The following TUSC3 variants were observed in gnomAD, a reference collection of about 807,000 sequenced individuals.
TUSC3 encodes the protein dolichyl-diphosphooligosaccharide--protein glycosyltransferase subunit TUSC3.
Under a neutral mutation model 44.8 loss-of-function variants are expected in TUSC3, and 45 were observed. That is an observed-to-expected ratio of 1.00 (90% confidence interval 0.79 to 1.29). The LOEUF (loss-of-function observed/expected upper bound fraction) is 1.29. Ranked by LOEUF, TUSC3 falls within the 50% of genes most tolerant of loss-of-function variation. The pLI is 0.00. For synonymous variants in TUSC3, 212 were observed against 152.9 expected, an observed-to-expected ratio of 1.39 and a Z score of -2.85; for missense variants, 519 against 437.9, an observed-to-expected ratio of 1.19 and a Z score of -1.65.
chr8:15,421,258 A>G (rs1799734449), intron 1 of TUSC3, among the ~76,000 whole-genome samples: 1 of 152,106 alleles, frequency 6.6e-6, no homozygotes, highest in Admixed American at 6.5e-5. Context: ...GTAAAAGCCA[A>G]ACTCCTCACC....
intron 1 of TUSC3, among the ~76,000 whole-genome samples, chr8:15,543,491 T>G (rs1385659301): frequency 6.6e-6 from 1 of 152,132 alleles, no homozygotes; most frequent in Non-Finnish European, 1.5e-5. Flanking sequence ...AACGACAAAC[T>G]CTCTGCATTT....
At chr8:15,586,344 A>C (rs959559147) in intron 1 of TUSC3, among the ~76,000 whole-genome samples, 1 of 152,158 alleles carries the variant, frequency 6.6e-6, no homozygotes, top group Non-Finnish European at 1.5e-5. Flanking sequence ...CAACACCGTT[A>C]ACTTGAAGTA....
At chr8:15,849,060 T>C in the TUSC3 span, among the ~76,000 whole-genome samples, 2 of 152,182 alleles carry the variant, frequency 1.3e-5, no homozygotes, top group Non-Finnish European at 2.9e-5. Flanking sequence ...TTTTCATTCA[T>C]TAGCAAAATG....
chr8:15,743,477 C>T, intron 7 of TUSC3, 61 bp from the exon 8 acceptor site: 2 of 1,561,016 alleles, frequency 1.3e-6, no homozygotes, highest in South Asian at 1.1e-5. Context: ...TGTTCAGAGC[C>T]AGAAAAATTA....
At chr8:15,525,697 A>G (rs1190844630) in intron 2 of TUSC3, among the ~76,000 whole-genome samples, 2 of 152,152 alleles carry the variant, frequency 1.3e-5, no homozygotes, top group African/African-American at 4.8e-5. Flanking sequence ...GATTCTTTGA[A>G]GACTTTTGGA....
chr8:15,767,342 A>G (rs1195760971), downstream of TUSC3, among the ~76,000 whole-genome samples: 1 of 152,058 alleles, frequency 6.6e-6, no homozygotes, highest in Non-Finnish European at 1.5e-5. Context: ...AAATGTGGAT[A>G]CATCTATCTA....
chr8:15,451,032 A>G (rs952328884), intron 1 of TUSC3, among the ~76,000 whole-genome samples: 6 of 152,132 alleles, frequency 3.9e-5, no homozygotes, highest in African/African-American at 1.4e-4. Flanking sequence ...AAACTTCACA[A>G]ACCTTTTTCC....
intron 1 of TUSC3, among the ~76,000 whole-genome samples, chr8:15,622,607 T>C (rs1412564556): frequency 6.6e-6 from 1 of 152,224 alleles, no homozygotes; most frequent in Non-Finnish European, 1.5e-5. Flanking sequence ...TTTTTGACTT[T>C]AAGTAGAATC....
intron 1 of TUSC3, among the ~76,000 whole-genome samples, chr8:15,603,243 TTG>T (rs1353132314): frequency 2.6e-5 from 4 of 151,616 alleles, no homozygotes; most frequent in African/African-American, 9.7e-5. Context: ...GGAACCTGAG[TTG>T]TTAATAAACA....
chr8:15,775,206 G>A, the TUSC3 span, among the ~76,000 whole-genome samples: 2 of 152,048 alleles, frequency 1.3e-5, no homozygotes, highest in Admixed American at 6.6e-5. Context: ...TGCCAGATAC[G>A]AAAAGCCACA....
At chr8:15,594,968 G>A (rs1804002347) in intron 1 of TUSC3, among the ~76,000 whole-genome samples, 2 of 152,074 alleles carry the variant, frequency 1.3e-5, no homozygotes, top group African/African-American at 4.8e-5. Context: ...CTGGAAAGTT[G>A]TCTACCCTAG....
the TUSC3 span, among the ~76,000 whole-genome samples, chr8:15,777,480 CAT>C: frequency 2.0e-5 from 3 of 152,164 alleles, no homozygotes; most frequent in Admixed American, 6.5e-5. Flanking sequence ...TAAATACACA[CAT>C]GAACATATAA....
intron 1 of TUSC3, among the ~76,000 whole-genome samples, chr8:15,596,342 A>G (rs1401037445): frequency 2.0e-5 from 3 of 152,206 alleles, no homozygotes; most frequent in African/African-American, 7.2e-5. Flanking sequence ...AGAGTAGTAC[A>G]GTACATGGGT....
chr8:15,806,907 G>A, the TUSC3 span: 16 of 1,370,180 alleles, frequency 1.2e-5, no homozygotes, highest in Non-Finnish European at 1.5e-5. Context: ...TACATCTGTT[G>A]ACCCACTTCT....
the TUSC3 span, among the ~76,000 whole-genome samples, chr8:15,802,427 T>G: frequency 6.6e-6 from 1 of 152,140 alleles, no homozygotes; most frequent in African/African-American, 2.4e-5. Flanking sequence ...TTGCAAAATT[T>G]CTTTTCTTTT....
intron 6 of TUSC3, among the ~76,000 whole-genome samples, chr8:15,696,199 C>T (rs944771864): frequency 1.3e-5 from 2 of 152,154 alleles, no homozygotes; most frequent in African/African-American, 4.8e-5. Flanking sequence ...GCTCAGGGTC[C>T]TCGTGCTGTG....
the TUSC3 span, among the ~76,000 whole-genome samples, chr8:15,825,868 G>A: frequency 1.4e-4 from 20 of 146,738 alleles, no homozygotes; most frequent in Admixed American, 4.2e-4. Context: ...GACCAATTAC[G>A]GAATCAACAG....
chr8:15,762,323 A>T (rs1286441079), intron 10 of TUSC3, among the ~76,000 whole-genome samples: 1 of 152,074 alleles, frequency 6.6e-6, no homozygotes, highest in Non-Finnish European at 1.5e-5. Context: ...TCAGTTTCAG[A>T]TTAAATATAT....
the TUSC3 span, among the ~76,000 whole-genome samples, chr8:15,807,474 G>A: frequency 6.6e-6 from 1 of 151,992 alleles, no homozygotes; most frequent in African/African-American, 2.4e-5. Flanking sequence ...ATGTCTCAAA[G>A]AATGTAAAAC....
Sources: allele counts gnomAD v4.1 joint callset (sites outside exome capture counted in the v4.1 genomes callset), GRCh38; gene constraint gnomAD v4.1.1; transcripts MANE v1.5; gene names NCBI Gene and HGNC (gene_info 2026-07-23, HGNC 2026-07-21).